Variants in ADAMTSL1 observed in about 807,000 individuals in gnomAD.
The protein encoded by ADAMTSL1 is ADAMTS like 1.
In ADAMTSL1, 126 loss-of-function variants were observed where a neutral mutation model predicts 201.8. The ratio of observed to expected loss-of-function variants is 0.62; its 90% confidence interval spans 0.54 to 0.72. The LOEUF (loss-of-function observed/expected upper bound fraction) is 0.72, where lower values mean the gene tolerates loss of function less well. Among genes scored for constraint, ADAMTSL1 ranks in the 30% least tolerant of loss-of-function variants. ADAMTSL1 has a pLI of 0.00. For missense variants in ADAMTSL1, 2,679 were observed against 2,277.8 expected, an observed-to-expected ratio of 1.18 and a Z score of -3.59; for synonymous variants, 1,121 against 903.4, an observed-to-expected ratio of 1.24 and a Z score of -4.32.
intron 2 of ADAMTSL1, among the ~76,000 whole-genome samples, chr9:18,369,000 G>A (rs1344095013): frequency 2.6e-5 from 4 of 152,178 alleles, no homozygotes; most frequent in Non-Finnish European, 5.9e-5. Context: ...CCATTCTAGA[G>A]TTACTGTTCT....
intron 1 of ADAMTSL1, among the ~76,000 whole-genome samples, chr9:18,498,093 G>C (rs1194619956): frequency 6.6e-6 from 1 of 151,890 alleles, no homozygotes; most frequent in Non-Finnish European, 1.5e-5. Context: ...GATAAATACT[G>C]TTTGAAAAGG....
intron 20 of ADAMTSL1, among the ~76,000 whole-genome samples, chr9:18,800,681 G>C (rs1376177836): frequency 6.6e-6 from 1 of 152,148 alleles, no homozygotes; most frequent in Non-Finnish European, 1.5e-5. Flanking sequence ...GTCCAAGTTG[G>C]CACATCTCAG....
At chr9:18,698,048 T>A (rs956128736) in intron 13 of ADAMTSL1, among the ~76,000 whole-genome samples, 1 of 152,248 alleles carries the variant, frequency 6.6e-6, no homozygotes, top group Non-Finnish European at 1.5e-5. Context: ...TTGTTCAGAT[T>A]TAATAACTTT....
chr9:17,989,810 A>T (rs1426309402), intron 1 of ADAMTSL1, among the ~76,000 whole-genome samples: 1 of 151,678 alleles, frequency 6.6e-6, no homozygotes, highest in Non-Finnish European at 1.5e-5. Flanking sequence ...GCCTTTTCAA[A>T]CTTAAAAATA....
intron 23 of ADAMTSL1, among the ~76,000 whole-genome samples, chr9:18,856,350 T>A (rs1826845411): frequency 6.6e-6 from 1 of 151,940 alleles, no homozygotes; most frequent in South Asian, 2.1e-4. Context: ...TATTGCTTAT[T>A]CAGATGATAA....
intron 2 of ADAMTSL1, among the ~76,000 whole-genome samples, chr9:18,520,364 C>A (rs1211007401): frequency 2.0e-5 from 3 of 152,208 alleles, no homozygotes; most frequent in Admixed American, 6.5e-5. Flanking sequence ...TCTGGATATA[C>A]ATAAATCAGT....
chr9:18,188,979 G>A (rs1003319437), intron 2 of ADAMTSL1, among the ~76,000 whole-genome samples: 3 of 152,166 alleles, frequency 2.0e-5, no homozygotes, highest in African/African-American at 7.2e-5. Context: ...CACACTGTTA[G>A]CACCTTTGTG....
rs368574155 is a variant in ADAMTSL1, at chr9:18,364,960, C to T, written c.208-139869C>T. On this transcript the variant is annotated intron_variant, in intron 2 of 29. Transcript: ENST00000680146. ...GCCCCCATGATCCAATAACCTCCCACCAGGCCCCACCTCCAACACCGGGGA... is the reference window on the plus strand; with the variant it reads ...GCCCCCATGATCCAATAACCTCCCATCAGGCCCCACCTCCAACACCGGGGA... Among the ~76,000 whole-genome samples the T allele has an allele frequency of 5.6e-4, 85 of 152,266 alleles. 1 individual carries two copies. In the East Asian group the frequency reaches 0.015, roughly 27 times the overall value.
chr9:17,951,179 G>A (rs781029253), intron 1 of ADAMTSL1, among the ~76,000 whole-genome samples: 12 of 152,138 alleles, frequency 7.9e-5, no homozygotes, highest in East Asian at 7.7e-4. Flanking sequence ...ATTAGCTCCC[G>A]GGGCACAGGG....
intron 2 of ADAMTSL1, among the ~76,000 whole-genome samples, chr9:18,405,097 G>A (rs1818133984): frequency 6.6e-6 from 1 of 152,120 alleles, no homozygotes. Flanking sequence ...CCAGCCTCAT[G>A]ATGTAAGAGT....
chr9:18,208,427 C>T (rs973897019), intron 2 of ADAMTSL1, among the ~76,000 whole-genome samples: 1 of 152,112 alleles, frequency 6.6e-6, no homozygotes, highest in Non-Finnish European at 1.5e-5. Context: ...GTTGCACCTG[C>T]AGCCCATGGA....
chr9:18,363,995 A>C (rs1836646915), intron 2 of ADAMTSL1, among the ~76,000 whole-genome samples: 2 of 152,148 alleles, frequency 1.3e-5, no homozygotes, highest in African/African-American at 4.8e-5. Flanking sequence ...AAGATACTGA[A>C]AAAAAAATTC....
chr9:18,103,837 G>A (rs771950453), intron 1 of ADAMTSL1, among the ~76,000 whole-genome samples: 4 of 152,304 alleles, frequency 2.6e-5, no homozygotes, highest in Non-Finnish European at 5.9e-5. Flanking sequence ...GCTCTGTGGA[G>A]CACTAGACCC....
chr9:18,549,338 C>T (rs1331647776), intron 3 of ADAMTSL1, among the ~76,000 whole-genome samples: 1 of 151,926 alleles, frequency 6.6e-6, no homozygotes, highest in Non-Finnish European at 1.5e-5. Context: ...ATGAATGGAA[C>T]ATAACTGTCA....
intron 3 of ADAMTSL1, among the ~76,000 whole-genome samples, chr9:18,556,098 C>T (rs1196428924): frequency 6.6e-6 from 1 of 151,940 alleles, no homozygotes; most frequent in African/African-American, 2.4e-5. Flanking sequence ...ACAGAATTGA[C>T]ATTCTTTTTC....
chr9:18,566,246 T>TA (rs534994886), intron 3 of ADAMTSL1, among the ~76,000 whole-genome samples: 38 of 152,276 alleles, frequency 2.5e-4, no homozygotes, highest in African/African-American at 7.9e-4. Context: ...GTTCCCACAA[T>TA]AAAAAATATG....
intron 23 of ADAMTSL1, among the ~76,000 whole-genome samples, chr9:18,847,722 C>T (rs546883612): frequency 5.3e-5 from 8 of 152,150 alleles, no homozygotes; most frequent in East Asian, 3.9e-4. Context: ...CTGCATGAAA[C>T]GTGCATGCCT....
chr9:18,679,719 T>C (rs1462343402), intron 10 of ADAMTSL1, among the ~76,000 whole-genome samples: 1 of 152,156 alleles, frequency 6.6e-6, no homozygotes, highest in Non-Finnish European at 1.5e-5. Context: ...TTAATAATGA[T>C]AGCACAGTTT....
intron 1 of ADAMTSL1, among the ~76,000 whole-genome samples, chr9:18,067,054 G>T (rs971248796): frequency 2.6e-5 from 4 of 152,032 alleles, no homozygotes; most frequent in Non-Finnish European, 5.9e-5. Context: ...GAGTTAATGG[G>T]TGCATCACAC....
Sources: gnomAD v4.1 joint callset for allele counts (sites outside exome capture counted in the v4.1 genomes callset) on GRCh38, gnomAD v4.1.1 for gene constraint, MANE v1.5 for transcripts, NCBI Gene and HGNC (gene_info 2026-07-23, HGNC 2026-07-21) for gene names.